ZFYVE26: variants seen among roughly 807,000 people sequenced by gnomAD.
ZFYVE26 encodes the protein zinc finger FYVE-type containing 26, also known as zinc finger FYVE domain-containing protein 26.
ZFYVE26 carries 181 observed loss-of-function variants against 276.5 expected under a neutral mutation model. That is an observed-to-expected ratio of 0.65 (90% confidence interval 0.58 to 0.74). The LOEUF (loss-of-function observed/expected upper bound fraction) is 0.74. ZFYVE26 is among the 30% of genes least tolerant of loss of function. The probability of loss-of-function intolerance (pLI) is 0.00; values close to 1 mark genes in which losing one functional copy is unlikely to be tolerated. For synonymous variants in ZFYVE26, 1,129 were observed against 1,203.1 expected, an observed-to-expected ratio of 0.94 and a Z score of 1.27; for missense variants, 2,821 against 3,097.9, an observed-to-expected ratio of 0.91 and a Z score of 2.12.
intron 30 of ZFYVE26, 114 bp downstream of exon 30, chr14:67,768,403 A>T: frequency 8.2e-7 from 1 of 1,223,322 alleles, no homozygotes; most frequent in Non-Finnish European, 1.2e-6. Context: ...TTGGCAAACA[A>T]GTTGGATGGA....
chr14:67,776,963 G>A (rs747907344), intron 25 of ZFYVE26, among the ~76,000 whole-genome samples: 6 of 152,178 alleles, frequency 3.9e-5, no homozygotes, highest in Non-Finnish European at 7.3e-5. Context: ...TGCTTCACTG[G>A]ATTACTTTTT....
intron 23 of ZFYVE26, among the ~76,000 whole-genome samples, chr14:67,778,813 G>C (rs1373743860): frequency 1.3e-5 from 2 of 151,642 alleles, no homozygotes; most frequent in Non-Finnish European, 2.9e-5. Flanking sequence ...GTGGTGTCTG[G>C]AATGTCCTCC....
intron 32 of ZFYVE26, 85 bp from the exon 33 acceptor site, chr14:67,762,904 T>C (rs1234776485): frequency 3.2e-5 from 50 of 1,562,486 alleles, no homozygotes; most frequent in Non-Finnish European, 4.3e-5. Context: ...TTCCATTTTC[T>C]TTTTTCTGTT....
downstream of ZFYVE26, chr14:67,746,509 T>A (rs940900118): frequency 4.6e-5 from 7 of 152,196 alleles, no homozygotes; most frequent in African/African-American, 1.7e-4. Context: ...CAAGAAGTTA[T>A]GAAGCCAAGA....
chr14:67,755,638 A>C (rs2038759527), intron 36 of ZFYVE26, among the ~76,000 whole-genome samples: 1 of 152,146 alleles, frequency 6.6e-6, no homozygotes, highest in Non-Finnish European at 1.5e-5. Context: ...CGTTTCCATC[A>C]TTCCTTATGA....
At chr14:67,765,400 CTG>C (rs1171306460) in intron 32 of ZFYVE26, among the ~76,000 whole-genome samples, 3 of 152,080 alleles carry the variant, frequency 2.0e-5, no homozygotes, top group Non-Finnish European at 2.9e-5. Context: ...GAGGAGGAGA[CTG>C]AGGCCTAGAG....
rs28940313 is a variant in ZFYVE26, at chr14:67,729,209, A to G, written n.3288+2T>C. 1.2e-6 allele frequency: 2 copies of G among 1,612,480 alleles called. No homozygotes were observed. Among genetic ancestry groups the G allele is most frequent in the Non-Finnish European group, 1.7e-6 (2 of 1,180,006 alleles). On this transcript the variant is annotated splice_donor_variant and non_coding_transcript_variant, in intron 14 of 14. Transcript: ENST00000394455. ...GTCCCAGGCACCGGGGTCACCACCTACGCAGTGCACCCAGGCGTCGTCCGC... is the reference window on the plus strand; with the variant it reads ...GTCCCAGGCACCGGGGTCACCACCTGCGCAGTGCACCCAGGCGTCGTCCGC...
At chr14:67,795,945 A>C (rs1169522043) in intron 12 of ZFYVE26, among the ~76,000 whole-genome samples, 1 of 152,214 alleles carries the variant, frequency 6.6e-6, no homozygotes, top group Non-Finnish European at 1.5e-5. Context: ...ACTAAAAAAA[A>C]TACTACTGAA....
chr14:67,769,803 T>A, intron 28 of ZFYVE26, 73 bp from the exon 29 acceptor site: 2 of 1,601,996 alleles, frequency 1.2e-6, no homozygotes, highest in Non-Finnish European at 1.7e-6. Flanking sequence ...CATTTATACA[T>A]GGTATTAACT....
chr14:67,737,626 T>C (rs2038367521), intron 13 of ZFYVE26, among the ~76,000 whole-genome samples: 1 of 152,202 alleles, frequency 6.6e-6, no homozygotes, highest in Non-Finnish European at 1.5e-5. Context: ...GGAGGGAATC[T>C]GGGTGGTGCA....
Position 67,785,747 on chromosome 14 carries a change from T to C in ZFYVE26, c.3304+111A>G, listed in dbSNP as rs372750676. 511 of 1,454,344 alleles carry C rather than the reference T, an allele frequency of 3.5e-4. 8 individuals carry two copies. The South Asian group carries it at 5.6e-3, about 16-fold the overall frequency. 90.1% of individuals were successfully genotyped at this position (1,454,344 alleles called of 1,614,324 possible). On this transcript the variant is annotated intron_variant, in intron 18 of 41. Coordinates refer to ENST00000347230, the MANE Select transcript of ZFYVE26 (RefSeq NM_015346.4). ...ATGCCCTGGCTAACTAAAGGGCTGA[T>C]AGATCCCAGTTCTGGAGTCCCAAGC...
chr14:67,765,710 C>A (rs1015595990), intron 32 of ZFYVE26, among the ~76,000 whole-genome samples: 24 of 152,166 alleles, frequency 1.6e-4, no homozygotes, highest in Admixed American at 1.3e-4. Flanking sequence ...ATACACACTT[C>A]TACTTTATGA....
intron 10 of ZFYVE26, chr14:67,799,422 A>G: frequency 6.2e-7 from 1 of 1,612,942 alleles, no homozygotes; most frequent in Non-Finnish European, 8.5e-7. Context: ...GAGGCCAAAG[A>G]AGCAGAAACG....
At chr14:67,797,433 C>G (rs2039976774) in intron 12 of ZFYVE26, 1 of 562,514 alleles carries the variant, frequency 1.8e-6, no homozygotes. Context: ...AGCTGCAGTT[C>G]TCAATATATA....
chr14:67,737,540 C>T (rs1385702828), intron 13 of ZFYVE26, among the ~76,000 whole-genome samples: 1 of 152,158 alleles, frequency 6.6e-6, no homozygotes, highest in Admixed American at 6.5e-5. Flanking sequence ...AGTCAACTCC[C>T]ACCAGGTCCC....
At chr14:67,784,006 A>AT (rs1159143870) in intron 20 of ZFYVE26, among the ~76,000 whole-genome samples, 2 of 152,204 alleles carry the variant, frequency 1.3e-5, no homozygotes, top group Non-Finnish European at 2.9e-5. Context: ...GGCTGTACAA[A>AT]TTTATGTCCC....
intron 13 of ZFYVE26, chr14:67,733,781 G>T: frequency 6.2e-7 from 1 of 1,613,378 alleles, no homozygotes; most frequent in South Asian, 1.1e-5. Flanking sequence ...CCAAGGGCCC[G>T]AAATAACAAA....
chr14:67,803,849 C>G (rs922187043), intron 9 of ZFYVE26, among the ~76,000 whole-genome samples: 42 of 152,126 alleles, frequency 2.8e-4, no homozygotes, highest in African/African-American at 9.4e-4. Context: ...AGTAGTGGTT[C>G]CTGTGATGGT....
At chr14:67,758,040 T>A (rs1374161531) in intron 35 of ZFYVE26, among the ~76,000 whole-genome samples, 1 of 152,198 alleles carries the variant, frequency 6.6e-6, no homozygotes, top group Admixed American at 6.5e-5. Context: ...TACTACTGTA[T>A]CCTTAGTGCC....
Sources: allele counts gnomAD v4.1 joint callset (sites outside exome capture counted in the v4.1 genomes callset), GRCh38; gene constraint gnomAD v4.1.1; transcripts MANE v1.5; gene names NCBI Gene and HGNC (gene_info 2026-07-23, HGNC 2026-07-21).